Variants in IQCH observed in about 807,000 individuals in gnomAD.
The protein encoded by IQCH is IQ domain-containing protein H.
Under a neutral mutation model 117.0 loss-of-function variants are expected in IQCH, and 98 were observed. The observed-to-expected ratio is 0.84, with a 90% CI of 0.71 to 0.99. The LOEUF (loss-of-function observed/expected upper bound fraction) is 0.99, where lower values mean the gene tolerates loss of function less well. Ranked by LOEUF, IQCH falls within the 50% of genes least tolerant of loss-of-function variation. The pLI is 0.00. For missense variants in IQCH, 1,102 were observed against 1,243.8 expected (o/e 0.89, Z 1.72); for synonymous variants, 412 against 448.2 (o/e 0.92, Z 1.02).
chr15:67,278,105 TAG>T (rs895626814), intron 3 of IQCH, among the ~76,000 whole-genome samples: 10 of 152,318 alleles, frequency 6.6e-5, no homozygotes, highest in Admixed American at 5.2e-4. Flanking sequence ...AGAGGAAGGT[TAG>T]AGTGGGCTGA....
At chr15:67,448,493 C>G (rs530582620) in intron 16 of IQCH, among the ~76,000 whole-genome samples, 1 of 150,164 alleles carries the variant, frequency 6.7e-6, no homozygotes, top group Non-Finnish European at 1.5e-5. Context: ...TTTGTCCTTG[C>G]GATAGTTTGA....
chr15:67,387,516 T>C lies in IQCH; in HGVS notation c.1457-1315T>C, dbSNP rs555632325. ...AGCTTGGAAAGACAAGATTAATAGA[T>C]TGGAAACAATAGGATAGAACCACAG... On this transcript the variant is annotated intron_variant, in intron 11 of 20. Transcript: ENST00000335894. The surrounding 1 kb of genome is among the most constrained non-coding windows in gnomAD (Gnocchi z 4.8). Among the ~76,000 whole-genome samples, 2 of 152,104 alleles carry C rather than the reference T, an allele frequency of 1.3e-5. No individual in the cohort carries two copies. The highest frequency in any genetic ancestry group is 4.2e-4 in the South Asian group (2 of 4,802).
At chr15:67,266,635 C>T (rs1403208686) in intron 3 of IQCH, among the ~76,000 whole-genome samples, 4 of 152,004 alleles carry the variant, frequency 2.6e-5, no homozygotes, top group South Asian at 2.1e-4. Context: ...CCAGCCTGGG[C>T]GACAGAGCGA....
intron 8 of IQCH, chr15:67,371,553 T>A: frequency 1.4e-6 from 2 of 1,429,002 alleles, no homozygotes; most frequent in Non-Finnish European, 1.9e-6. Context: ...TATAACATAA[T>A]GTTCCTTGTA....
rs944495211 is a variant in IQCH at position 67,453,774 on chromosome 15, G to A, written c.2506-11353G>A. Among the ~76,000 whole-genome samples the A allele has an allele frequency of 2.0e-5, 3 of 152,226 alleles. No individual in the cohort carries two copies. Among genetic ancestry groups the A allele is most frequent in the African/African-American group, 7.2e-5 (3 of 41,458 alleles). On this transcript the variant is annotated intron_variant, in intron 16 of 20. Transcript: ENST00000335894. The surrounding 1 kb of genome is among the most constrained non-coding windows in gnomAD (Gnocchi z 5.8). ...CTGTCAGAGAGGGACATTTAAGTCT[G>A]CAGAGGTTACTGCTGTCTTTTTGTT...
At chr15:67,351,218 G>C (rs188423134) in intron 6 of IQCH, among the ~76,000 whole-genome samples, 1 of 152,044 alleles carries the variant, frequency 6.6e-6, no homozygotes, top group Non-Finnish European at 1.5e-5. Flanking sequence ...TTAGGTATTT[G>C]TCCTAATGCT....
chr15:67,257,354 CTG>C (rs1965266417), intron 1 of IQCH, among the ~76,000 whole-genome samples: 1 of 152,204 alleles, frequency 6.6e-6, no homozygotes, highest in South Asian at 2.1e-4. Context: ...GTGCAATAGA[CTG>C]TAAAGCAGAG....
chr15:67,400,034 A>G (rs1045563098), intron 13 of IQCH, 80 bp from the exon 14 acceptor site: 4 of 1,089,744 alleles, frequency 3.7e-6, no homozygotes, highest in Non-Finnish European at 5.5e-6. Flanking sequence ...CATGAGAAGT[A>G]CAGCAACTAA....
chr15:67,448,681 A>G (rs2082447814), intron 16 of IQCH, among the ~76,000 whole-genome samples: 1 of 152,100 alleles, frequency 6.6e-6, no homozygotes, highest in Non-Finnish European at 1.5e-5. Context: ...GCCGCAATAA[A>G]CATATGTGTG....
intron 8 of IQCH, among the ~76,000 whole-genome samples, chr15:67,368,220 A>G (rs1788088458): frequency 6.6e-6 from 1 of 152,188 alleles, no homozygotes; most frequent in African/African-American, 2.4e-5. Flanking sequence ...GTAATAGCCT[A>G]TTGAGCAAAA....
rs1158077648 is a variant in IQCH, at chr15:67,500,038, A to G, written c.2971-595A>G. ...GGTGATGAAAATGTTCTGGAATTATATAGTAGCGATGGTTACTTGCAAATA... is the reference window on the plus strand; with the variant it reads ...GGTGATGAAAATGTTCTGGAATTATGTAGTAGCGATGGTTACTTGCAAATA... On this transcript the variant is annotated intron_variant, in intron 20 of 20. Coordinates refer to ENST00000335894, the MANE Select transcript of IQCH (RefSeq NM_001031715.3). This position sits in a 1 kb window ranked among gnomAD's most constrained non-coding sequence, Gnocchi z 4.4. Among the ~76,000 whole-genome samples the G allele has an allele frequency of 1.3e-5, 2 of 152,218 alleles. No homozygotes were observed. Among genetic ancestry groups the G allele is most frequent in the Non-Finnish European group, 2.9e-5 (2 of 68,026 alleles).
rs746086513 is a variant in IQCH, at chr15:67,490,024, A to C, written c.2821A>C (p.Ile941Leu). The change falls in exon 19 of 21, where the codon ATA becomes CTA. Residue 941 changes from isoleucine to leucine, a missense_variant. Around this residue, in one of 2 missense-constraint regions of IQCH, gnomAD observed 650 missense variants for 794.3 expected, o/e 0.82. Transcript: ENST00000335894. This position sits in a 1 kb window ranked among gnomAD's most constrained non-coding sequence, Gnocchi z 4.9. ...DVEERQGTVFILYEHLKRHKL... is the reference protein window; with the variant it reads ...DVEERQGTVFLLYEHLKRHKL... ...ACAGGAAAGGCAAGGAACTGTTTTT[A>C]TATTATATGAGCACCTGAAGAGACA... 2.5e-6 allele frequency: 4 copies of C among 1,611,520 alleles called. 1 individual carries two copies. In the South Asian group the frequency reaches 4.4e-5, roughly 18 times the overall value.
At chr15:67,354,734 T>C (rs1969816020) in intron 6 of IQCH, among the ~76,000 whole-genome samples, 1 of 152,230 alleles carries the variant, frequency 6.6e-6, no homozygotes, top group African/African-American at 2.4e-5. Flanking sequence ...GAAGAATTTG[T>C]CTCGTACACA....
intron 5 of IQCH, among the ~76,000 whole-genome samples, chr15:67,341,475 CAAATT>C (rs1254385779): frequency 1.3e-5 from 2 of 152,064 alleles, no homozygotes; most frequent in Non-Finnish European, 2.9e-5. Context: ...AAAAGAAAAA[CAAATT>C]AATAGAGAGT....
At chr15:67,368,388 A>G (rs1970408214) in intron 8 of IQCH, among the ~76,000 whole-genome samples, 1 of 152,226 alleles carries the variant, frequency 6.6e-6, no homozygotes, top group Admixed American at 6.5e-5. Flanking sequence ...TTTATTCTAT[A>G]GAAAGCTCAA....
rs536701370 is a variant in IQCH, at chr15:67,325,510, CTA to C, written c.388-11463_388-11462del. 1.7e-3 allele frequency among the ~76,000 whole-genome samples: 251 copies of C among 152,064 alleles called. 4 individuals are homozygous for C. The South Asian group carries it at 0.025, about 15-fold the overall frequency. On this transcript the variant is annotated intron_variant, in intron 4 of 20. Coordinates refer to ENST00000335894, the MANE Select transcript of IQCH (RefSeq NM_001031715.3). ...AATAGTACAATGGATAACAATATAACTATTATCTAAAATGAAAATACACTCAC... is the reference window on the plus strand; with the variant it reads ...AATAGTACAATGGATAACAATATAACTTATCTAAAATGAAAATACACTCAC...
At position 67,436,594 on chromosome 15, in the gene IQCH, C is replaced by T. The variant is rs563363690; in HGVS notation, c.2505+15017C>T. ...CGAGAACTCAGGGGAGGGCACAAATCCGGTGTGCAGACTCCATAGGCAGGG... is the reference window on the plus strand; with the variant it reads ...CGAGAACTCAGGGGAGGGCACAAATTCGGTGTGCAGACTCCATAGGCAGGG... On this transcript the variant is annotated intron_variant, in intron 16 of 20. Transcript: ENST00000335894. This position sits in a 1 kb window ranked among gnomAD's most constrained non-coding sequence, Gnocchi z 5.1. Among the ~76,000 whole-genome samples, 1 of 152,290 alleles carries T rather than the reference C, an allele frequency of 6.6e-6. No homozygotes were observed. Among genetic ancestry groups the T allele is most frequent in the South Asian group, 2.1e-4 (1 of 4,818 alleles).
At chr15:67,460,209 A>G (rs555478694) in intron 16 of IQCH, among the ~76,000 whole-genome samples, 1 of 152,356 alleles carries the variant, frequency 6.6e-6, no homozygotes, top group East Asian at 1.9e-4. Flanking sequence ...CAAGTGCTCA[A>G]TAGCCACATG....
rs1392167439 is a variant in IQCH at position 67,427,823 on chromosome 15, T to C, written c.2505+6246T>C. On this transcript the variant is annotated intron_variant, in intron 16 of 20. Coordinates refer to ENST00000335894, the MANE Select transcript of IQCH (RefSeq NM_001031715.3). This position sits in a 1 kb window ranked among gnomAD's most constrained non-coding sequence, Gnocchi z 4.7. ...ATATTTCAAGTAGTCTAAATTCCAA[T>C]AATAGATTTTTTTTTTTTTTTTTGA... Among the ~76,000 whole-genome samples the C allele has an allele frequency of 6.6e-6, 1 of 150,764 alleles. No individual in the cohort carries two copies. Among genetic ancestry groups the C allele is most frequent in the African/African-American group, 2.5e-5 (1 of 40,668 alleles).
Sources: gnomAD v4.1 joint callset for allele counts (sites outside exome capture counted in the v4.1 genomes callset) on GRCh38, gnomAD v4.1.1 for gene constraint, gnomAD v4.1.1 regional missense constraint, Gnocchi (gnomAD v3.1) non-coding constraint, MANE v1.5 for transcripts, NCBI Gene and HGNC (gene_info 2026-07-23, HGNC 2026-07-21) for gene names.